ITGB4: variants seen among roughly 807,000 people sequenced by gnomAD.
ITGB4 encodes the protein integrin beta-4.
Under a neutral mutation model 207.6 loss-of-function variants are expected in ITGB4, and 159 were observed. The observed-to-expected ratio is 0.77, with a 90% CI of 0.67 to 0.87. ITGB4 has a LOEUF of 0.87. Ranked by LOEUF, ITGB4 falls within the 40% of genes least tolerant of loss-of-function variation. ITGB4 has a pLI of 0.00. For synonymous variants in ITGB4, 1,020 were observed against 1,062.7 expected (o/e 0.96, Z 0.78); for missense variants, 2,278 against 2,546.8 (o/e 0.89, Z 2.27).
Position 75,755,104 on chromosome 17 carries a change from G to A in ITGB4, c.4558+289G>A, listed in dbSNP as rs1050346007. 23 of 1,606,062 alleles carry A rather than the reference G, an allele frequency of 1.4e-5. No individual in the cohort carries two copies. The highest frequency in any genetic ancestry group is 1.9e-5 in the Non-Finnish European group (22 of 1,176,430). ...GGAGGAGCAGGCTTCCGCTGTCCTG[G>A]GCCCTGGGGTCCCGGAGTCGGGCTC... On this transcript the variant is annotated intron_variant, in intron 34 of 39. Coordinates refer to ENST00000200181, the MANE Select transcript of ITGB4 (RefSeq NM_000213.5).
chr17:75,756,006 C>T (rs1292517890), intron 35 of ITGB4, among the ~76,000 whole-genome samples, 156 bp downstream of exon 35: 1 of 152,220 alleles, frequency 6.6e-6, no homozygotes, highest in East Asian at 1.9e-4. Context: ...CCCCATTCTC[C>T]ACCCCACTTC....
chr17:75,735,097 T>C (rs1458069067), intron 13 of ITGB4, among the ~76,000 whole-genome samples: 1 of 152,208 alleles, frequency 6.6e-6, no homozygotes. Context: ...GATTGATTGA[T>C]TGATTTTTGA....
rs775074217 is a variant in ITGB4, at chr17:75,727,186, TC to T, written c.80-3del. On this transcript the variant is annotated splice_polypyrimidine_tract_variant and splice_region_variant and intron_variant, in intron 2 of 39. Transcript: ENST00000200181. The surrounding 1 kb of genome is among the most constrained non-coding windows in gnomAD (Gnocchi z 6.0). The stretch of plus-strand genomic sequence containing the variant: ...CTCCCCATTCATGTGCCCACATCTG[TC>T]CCCCCAGCAAACCGCTGCAAGAAGG... 9 of 1,613,044 alleles carry T rather than the reference TC, an allele frequency of 5.6e-6. No homozygotes were observed. Among genetic ancestry groups the T allele is most frequent in the Non-Finnish European group, 6.8e-6 (8 of 1,179,442 alleles).
chr17:75,727,219 T>C lies in ITGB4; in HGVS notation c.104T>C (p.Val35Ala). The change falls in exon 3 of 40, where the codon GTG (valine) becomes GCG (alanine). Residue 35 changes from valine (V) to alanine (A), a missense_variant. Coordinates refer to ENST00000200181, the MANE Select transcript of ITGB4 (RefSeq NM_000213.5). The surrounding 1 kb of genome is among the most constrained non-coding windows in gnomAD (Gnocchi z 6.0). ...TLANRCKKAP[V>A]KSCTECVRVD... ...GCAAACCGCTGCAAGAAGGCCCCAG[T>C]GAAGAGCTGCACGGAGTGTGTCCGT... 1 of 1,613,954 alleles carries C rather than the reference T, an allele frequency of 6.2e-7. No homozygotes were observed. The highest frequency in any genetic ancestry group is 8.5e-7 in the Non-Finnish European group (1 of 1,179,934).
intron 26 of ITGB4, among the ~76,000 whole-genome samples, chr17:75,745,301 G>T (rs1288783996): frequency 6.6e-6 from 1 of 152,062 alleles, no homozygotes; most frequent in African/African-American, 2.4e-5. Context: ...GCTGAGGCAG[G>T]AAGATCACTT....
In ITGB4 at chr17:75,742,437, C is replaced by T. The variant is rs61735292; in HGVS notation, c.2730C>T (p.Ala910=). Residue 910 remains alanine (A), a synonymous_variant, in exon 24 of 40, where the codon GCC becomes GCT. Coordinates refer to ENST00000200181, the MANE Select transcript of ITGB4 (RefSeq NM_000213.5). This position sits in a 1 kb window ranked among gnomAD's most constrained non-coding sequence, Gnocchi z 5.9. ...KLTEKQVEQR[A]FHDLKVAPGY... ...CAGAGAAGCAGGTGGAACAGAGGGCCTTCCACGACCTCAAGGTGGCCCCCG... is the reference window on the plus strand; with the variant it reads ...CAGAGAAGCAGGTGGAACAGAGGGCTTTCCACGACCTCAAGGTGGCCCCCG... 1,265 of 1,613,254 alleles carry T rather than the reference C, an allele frequency of 7.8e-4. 12 individuals carry two copies. The African/African-American group carries it at 0.015, about 19-fold the overall frequency.
At chr17:75,733,026 C>T (rs1388459787) in intron 12 of ITGB4, among the ~76,000 whole-genome samples, 11 of 151,280 alleles carry the variant, frequency 7.3e-5, no homozygotes, top group Non-Finnish European at 4.4e-5. Context: ...CGGAGGTTGC[C>T]GTGAGCTGAG....
Position 75,743,748 on chromosome 17 carries a change from T to G in ITGB4, c.2998T>G (p.Ser1000Ala). ...GGTGTCCTTTGAGCAGCCTGAGTTC[T>G]CGGTCAGCCGCGGGGACCAGGTGGC... Reference protein sequence around the residue: ...DVVSFEQPEFSVSRGDQVARI... With the variant: ...DVVSFEQPEFAVSRGDQVARI... The change falls in exon 26 of 40, where the codon TCG becomes GCG. Residue 1000 changes from serine (S) to alanine (A), a missense_variant. By Grantham distance (99) the Ser-to-Ala change is moderately conservative (BLOSUM62 1). Transcript: ENST00000200181. 6.2e-7 allele frequency: 1 copy of G among 1,613,556 alleles called. No individual in the cohort carries two copies. The highest frequency in any genetic ancestry group is 8.5e-7 in the Non-Finnish European group (1 of 1,180,012).
At chr17:75,724,542 G>A (rs1186745785) in intron 1 of ITGB4, among the ~76,000 whole-genome samples, 152 bp from the exon 2 acceptor site, 4 of 152,252 alleles carry the variant, frequency 2.6e-5, no homozygotes, top group African/African-American at 4.8e-5. Context: ...GCAGGAGTCC[G>A]AGGCCCAGGG....
chr17:75,727,417 G>T lies in ITGB4; in HGVS notation c.176G>T (p.Arg59Leu). Residue 59 changes from arginine to leucine, a missense_variant, in exon 4 of 40, where the codon CGG becomes CTG. Physicochemically the swap from Arg to Leu is moderately radical, Grantham distance 102. Transcript: ENST00000200181. This position sits in a 1 kb window ranked among gnomAD's most constrained non-coding sequence, Gnocchi z 6.0. ...CCTTCTGGCCAGATGTTCAGGGACC[G>T]GCGCTGCAACACCCAGGCGGAGCTG... ...AYCTDEMFRD[R>L]RCNTQAELLA... The T allele has an allele frequency of 6.2e-7, 1 of 1,614,036 alleles. No homozygotes were observed. The highest frequency in any genetic ancestry group is 1.1e-5 in the South Asian group (1 of 91,084).
intron 13 of ITGB4, among the ~76,000 whole-genome samples, chr17:75,733,947 C>T (rs998519242): frequency 6.6e-6 from 1 of 152,106 alleles, no homozygotes; most frequent in African/African-American, 2.4e-5. Context: ...GATTCCAACT[C>T]CCCTGAGGTT....
intron 15 of ITGB4, 49 bp from the exon 16 acceptor site, chr17:75,736,516 A>G (rs373219249): frequency 6.3e-7 from 1 of 1,592,758 alleles, no homozygotes; most frequent in Non-Finnish European, 8.5e-7. Flanking sequence ...GGGGTCTGGC[A>G]GAGGCCCACC....
At position 75,729,352 on chromosome 17, in the gene ITGB4, T is replaced by A. The variant is rs1263183610; in HGVS notation, c.654T>A (p.Asn218Lys). Residue 218 changes from asparagine (N) to lysine (K), a missense_variant, in exon 7 of 40, where the codon AAT becomes AAA. Asn to Lys is a moderately conservative substitution (Grantham distance 94, BLOSUM62 0). Transcript: ENST00000200181. The surrounding 1 kb of genome is among the most constrained non-coding windows in gnomAD (Gnocchi z 4.4). ...SLTEDVDEFR[N>K]KLQGERISGN... ...CAGAAGATGTGGATGAGTTCCGGAA[T>A]AAACTGCAGGGAGAGCGGATCTCAG... The A allele has an allele frequency of 1.9e-6, 3 of 1,614,078 alleles. No homozygotes were observed. The highest frequency in any genetic ancestry group is 2.5e-6 in the Non-Finnish European group (3 of 1,180,014).
Position 75,727,593 on chromosome 17 carries a change from C to A in ITGB4, c.265-58C>A, listed in dbSNP as rs2060748800. The A allele has an allele frequency of 6.3e-7, 1 of 1,579,948 alleles. No individual in the cohort carries two copies. Among genetic ancestry groups the A allele is most frequent in the Non-Finnish European group, 8.6e-7 (1 of 1,162,678 alleles). On this transcript the variant is annotated intron_variant, in intron 4 of 39. Transcript: ENST00000200181. The surrounding 1 kb of genome is among the most constrained non-coding windows in gnomAD (Gnocchi z 6.0). Reference sequence around the variant, plus strand: ...TATAGTGCCCCTTGGCCGGGCTGGGCCCCCATCGGGCCTCCGGAGTGACCC... The same window carrying A: ...TATAGTGCCCCTTGGCCGGGCTGGGACCCCATCGGGCCTCCGGAGTGACCC...
Position 75,740,912 on chromosome 17 carries a change from G to C in ITGB4, c.2609+61G>C. 1 of 1,613,502 alleles carries C rather than the reference G, an allele frequency of 6.2e-7. No homozygotes were observed. Among genetic ancestry groups the C allele is most frequent in the Non-Finnish European group, 8.5e-7 (1 of 1,179,756 alleles). On this transcript the variant is annotated intron_variant, in intron 22 of 39. Coordinates refer to ENST00000200181, the MANE Select transcript of ITGB4 (RefSeq NM_000213.5). This position sits in a 1 kb window ranked among gnomAD's most constrained non-coding sequence, Gnocchi z 5.9. Reference sequence around the variant, plus strand: ...CGCTCCTACCGGGACTCCAGGAGCCGAAGCCCCCAGGCCGATCAGGCCTCC... The same window carrying C: ...CGCTCCTACCGGGACTCCAGGAGCCCAAGCCCCCAGGCCGATCAGGCCTCC...
Position 75,740,207 on chromosome 17 carries a change from A to C in ITGB4, c.2446+136A>C. On this transcript the variant is annotated intron_variant, in intron 20 of 39. Coordinates refer to ENST00000200181, the MANE Select transcript of ITGB4 (RefSeq NM_000213.5). The surrounding 1 kb of genome is among the most constrained non-coding windows in gnomAD (Gnocchi z 5.9). ...CTCAGCCACCTTTTGCCCTGTGCTGATGGTGCTATGAACCTCATGCCTCGG... is the reference window on the plus strand; with the variant it reads ...CTCAGCCACCTTTTGCCCTGTGCTGCTGGTGCTATGAACCTCATGCCTCGG... The C allele has an allele frequency of 5.8e-6, 7 of 1,209,882 alleles. No individual in the cohort carries two copies. The South Asian group carries it at 9.3e-5, about 16-fold the overall frequency. 74.9% of individuals were successfully genotyped at this position (1,209,882 alleles called of 1,614,324 possible).
chr17:75,732,179 C>A lies in ITGB4; in HGVS notation c.1394C>A (p.Ser465Ter). 6.2e-7 allele frequency: 1 copy of A among 1,614,116 alleles called. No individual in the cohort carries two copies. Among genetic ancestry groups the A allele is most frequent in the South Asian group, 1.1e-5 (1 of 91,070 alleles). Reference sequence around the variant, plus strand: ...TCATTCCAGCAAAAAGAGGTGCGGTCAGCTCGCTGCAGCTTCAACGGAGAC... The same window carrying A: ...TCATTCCAGCAAAAAGAGGTGCGGTAAGCTCGCTGCAGCTTCAACGGAGAC... ...CTCELQKEVR[S>*]ARCSFNGDFV... The change falls in exon 12 of 40, where the codon TCA (serine) becomes TAA (stop). Residue 465 changes from serine (S) to a stop codon, truncating the protein, a stop_gained. Transcript: ENST00000200181. LOFTEE classifies it high-confidence loss of function. This position sits in a 1 kb window ranked among gnomAD's most constrained non-coding sequence, Gnocchi z 5.3.
intron 26 of ITGB4, among the ~76,000 whole-genome samples, chr17:75,745,957 G>A (rs1055438777): frequency 2.6e-5 from 4 of 152,178 alleles, no homozygotes; most frequent in African/African-American, 9.7e-5. Flanking sequence ...AGCAAACATA[G>A]GGGAGCGCGT....
In ITGB4 at chr17:75,731,468, A is replaced by G. The variant is rs1188300626; in HGVS notation, c.1215+100A>G. ...GGTCAAGAGCGTGGCCCCTGGAGTCAGGCAGGCCTGGGTGCAGATCCCTGG... is the reference window on the plus strand; with the variant it reads ...GGTCAAGAGCGTGGCCCCTGGAGTCGGGCAGGCCTGGGTGCAGATCCCTGG... On this transcript the variant is annotated intron_variant, in intron 10 of 39. Coordinates refer to ENST00000200181, the MANE Select transcript of ITGB4 (RefSeq NM_000213.5). This position sits in a 1 kb window ranked among gnomAD's most constrained non-coding sequence, Gnocchi z 6.8. The G allele has an allele frequency of 7.8e-7, 1 of 1,284,334 alleles. No individual in the cohort carries two copies. The highest frequency in any genetic ancestry group is 1.1e-6 in the Non-Finnish European group (1 of 918,002). 79.6% of individuals were successfully genotyped at this position (1,284,334 alleles called of 1,614,324 possible).
Sources: gnomAD v4.1 joint callset for allele counts (sites outside exome capture counted in the v4.1 genomes callset) on GRCh38, gnomAD v4.1.1 for gene constraint, Gnocchi (gnomAD v3.1) non-coding constraint, MANE v1.5 for transcripts, NCBI Gene and HGNC (gene_info 2026-07-23, HGNC 2026-07-21) for gene names.